The following RFC4 variants were observed in gnomAD, a reference collection of about 807,000 sequenced individuals.
RFC4 encodes the protein replication factor C subunit 4.
A neutral mutation model predicts 47.6 loss-of-function variants in RFC4; 38 were observed. The observed-to-expected ratio is 0.80, with a 90% CI of 0.62 to 1.05. The LOEUF (loss-of-function observed/expected upper bound fraction) is 1.05, where lower values mean the gene tolerates loss of function less well. Ranked by LOEUF, RFC4 falls within the 50% of genes least tolerant of loss-of-function variation. The probability of loss-of-function intolerance (pLI) is 0.00; values close to 1 mark genes in which losing one functional copy is unlikely to be tolerated. For synonymous variants in RFC4, 164 were observed against 150.0 expected (o/e 1.09, Z -0.68); for missense variants, 489 against 434.0 (o/e 1.13, Z -1.13).
chr3:186,789,931 T>TC lies in RFC4; in HGVS notation c.*37dup. 1 of 1,273,690 alleles carries TC rather than the reference T, an allele frequency of 7.9e-7. No homozygotes were observed. The highest frequency in any genetic ancestry group is 1.1e-6 in the Non-Finnish European group (1 of 884,948). 78.9% of individuals were successfully genotyped at this position (1,273,690 alleles called of 1,614,324 possible). A position where few individuals can be genotyped will look rare whatever the true frequency, so the allele number is the denominator to read the frequency against. ...TGGTCATTTTATTTTTATTACAACT[T>TC]CATTATTTACAAAACCCCCCATCCA... On this transcript the variant is annotated 3_prime_UTR_variant, in exon 11 of 11. Transcript: ENST00000296273.
In RFC4 at chr3:186,793,726, C is replaced by CTT. The variant is rs529901068; in HGVS notation, c.411-781_411-780dup. On this transcript the variant is annotated intron_variant, in intron 5 of 10. Transcript: ENST00000296273. This position sits in a 1 kb window ranked among gnomAD's most constrained non-coding sequence, Gnocchi z 4.2. ...CGAAATGTCTATGCAGATCCTTTGC[C>CTT]TTTTTTTTTTTTTTGAGATAGAGTC... is the stretch of plus-strand genomic sequence containing the variant. Among the ~76,000 whole-genome samples, 9 of 142,126 alleles carry CTT rather than the reference C, an allele frequency of 6.3e-5. No homozygotes were observed. Among genetic ancestry groups the CTT allele is most frequent in the Admixed American group, 1.4e-4 (2 of 14,184 alleles). 93.2% of individuals were successfully genotyped at this position (142,126 alleles called of 152,430 possible).
chr3:186,800,597 A>G (rs1380231771), intron 3 of RFC4, among the ~76,000 whole-genome samples: 1 of 152,214 alleles, frequency 6.6e-6, no homozygotes, highest in Non-Finnish European at 1.5e-5. Context: ...CAAGTTATCC[A>G]TGGATACTTT....
Position 186,796,368 on chromosome 3 carries a change from T to A in RFC4, c.290+1167A>T, listed in dbSNP as rs2108470289. Among the ~76,000 whole-genome samples the A allele has an allele frequency of 6.6e-6, 1 of 152,358 alleles. No homozygotes were observed. Among genetic ancestry groups the A allele is most frequent in the East Asian group, 1.9e-4 (1 of 5,190 alleles). On this transcript the variant is annotated intron_variant, in intron 4 of 10. Coordinates refer to ENST00000296273, the MANE Select transcript of RFC4 (RefSeq NM_002916.5). The surrounding 1 kb of genome is among the most constrained non-coding windows in gnomAD (Gnocchi z 4.2). Reference sequence around the variant, plus strand: ...AATCAAAAAAGTTCTTCTATAATTTTACTGAGAATAAAAAATTGCTGTCAA... The same window carrying A: ...AATCAAAAAAGTTCTTCTATAATTTAACTGAGAATAAAAAATTGCTGTCAA...
intron 3 of RFC4, among the ~76,000 whole-genome samples, chr3:186,799,308 TTGAA>T (rs1320443421): frequency 2.0e-5 from 3 of 152,202 alleles, no homozygotes; most frequent in African/African-American, 4.8e-5. Flanking sequence ...TCAAAATAAA[TTGAA>T]TGAATTGTTT....
At chr3:186,803,662 C>T (rs1043471419) in intron 2 of RFC4, among the ~76,000 whole-genome samples, 1 of 150,724 alleles carries the variant, frequency 6.6e-6, no homozygotes, top group Non-Finnish European at 1.5e-5. Context: ...CGCCAACATG[C>T]CTGGCTAATT....
chr3:186,804,910 T>A (rs1722444224), intron 1 of RFC4, 186 bp from the exon 2 acceptor site: 2 of 539,632 alleles, frequency 3.7e-6, no homozygotes, highest in South Asian at 2.9e-5. Flanking sequence ...ACACTCTGAA[T>A]GCACTGTACT....
chr3:186,794,030 T>A (rs1239158188), intron 5 of RFC4, among the ~76,000 whole-genome samples: 1 of 152,190 alleles, frequency 6.6e-6, no homozygotes, highest in Non-Finnish European at 1.5e-5. Flanking sequence ...CCTTTGCCCA[T>A]TTTTTAATTG....
At chr3:186,800,538 T>C (rs894386659) in intron 3 of RFC4, among the ~76,000 whole-genome samples, 1 of 152,190 alleles carries the variant, frequency 6.6e-6, no homozygotes, top group Non-Finnish European at 1.5e-5. Flanking sequence ...CAACTTTAAG[T>C]TGCTAATTTT....
intron 2 of RFC4, 35 bp from the exon 3 acceptor site, chr3:186,801,230 G>A: frequency 6.8e-7 from 1 of 1,466,452 alleles, no homozygotes; most frequent in South Asian, 1.1e-5. Context: ...AGGTTATTTA[G>A]TATATTATAG....
At chr3:186,805,954 C>G (rs931134411) in intron 1 of RFC4, among the ~76,000 whole-genome samples, 3 of 152,194 alleles carry the variant, frequency 2.0e-5, no homozygotes, top group Non-Finnish European at 4.4e-5. Context: ...CACAGGACAA[C>G]TGAGTTAAAT....
At chr3:186,799,544 C>G (rs1722308879) in intron 3 of RFC4, among the ~76,000 whole-genome samples, 1 of 152,082 alleles carries the variant, frequency 6.6e-6, no homozygotes, top group South Asian at 2.1e-4. Context: ...TAAACACCAT[C>G]TCTACTAAAA....
In RFC4 at chr3:186,794,673, GAC is replaced by G. The variant is rs1256535358; in HGVS notation, c.393_394del (p.Ser132ArgfsTer13). ...ATTTACTTACTCTGAGCGACTTCCT[GAC>G]ACAGTTAATTGAGCAAAATTTTTCA... On this transcript the variant is annotated frameshift_variant, in exon 5 of 11. Coordinates refer to ENST00000296273, the MANE Select transcript of RFC4 (RefSeq NM_002916.5). LOFTEE classifies it high-confidence loss of function. The G allele has an allele frequency of 2.5e-6, 4 of 1,613,802 alleles. No homozygotes were observed. The highest frequency in any genetic ancestry group is 1.3e-5 in the African/African-American group (1 of 74,922).
intron 7 of RFC4, 124 bp downstream of exon 7, chr3:186,792,366 T>C: frequency 1.3e-6 from 1 of 778,754 alleles, no homozygotes; most frequent in Non-Finnish European, 2.1e-6. Context: ...CCCCTTTAGC[T>C]TAAGTTTGTC....
rs1310769354 is a variant in RFC4, at chr3:186,789,901, G to A, written c.*68C>T. On this transcript the variant is annotated 3_prime_UTR_variant, in exon 11 of 11. Coordinates refer to ENST00000296273, the MANE Select transcript of RFC4 (RefSeq NM_002916.5). ...TAAATTGTATATTCACTTTAAAGGT[G>A]CTTTTGGTCATTTTATTTTTATTAC... The A allele has an allele frequency of 5.1e-6, 5 of 989,614 alleles. No homozygotes were observed. The South Asian group carries it at 5.7e-5, about 11-fold the overall frequency. 61.3% of individuals were successfully genotyped at this position (989,614 alleles called of 1,614,324 possible).
chr3:186,801,726 A>G lies in RFC4; in HGVS notation c.132-531T>C, dbSNP rs867628592. Reference sequence around the variant, plus strand: ...ACTCTGTCTCAAAAAAAAAAAAAAAAAAAAAGAAATTAAAGTGGGGCTGGG... The same window carrying G: ...ACTCTGTCTCAAAAAAAAAAAAAAAGAAAAAGAAATTAAAGTGGGGCTGGG... On this transcript the variant is annotated intron_variant, in intron 2 of 10. Coordinates refer to ENST00000296273, the MANE Select transcript of RFC4 (RefSeq NM_002916.5). Among the ~76,000 whole-genome samples the G allele has an allele frequency of 7.7e-4, 117 of 151,094 alleles. 1 individual carries two copies. Among genetic ancestry groups the G allele is most frequent in the African/African-American group, 2.7e-3 (113 of 41,210 alleles).
chr3:186,794,906 CTT>C, intron 4 of RFC4, 129 bp from the exon 5 acceptor site: 10 of 1,007,912 alleles, frequency 9.9e-6, no homozygotes, highest in South Asian at 3.3e-5. Context: ...CACACAATCA[CTT>C]TTGCATTCTC....
intron 2 of RFC4, among the ~76,000 whole-genome samples, chr3:186,801,727 A>G (rs903410638): frequency 6.6e-5 from 10 of 150,896 alleles, no homozygotes; most frequent in South Asian, 2.1e-4. Context: ...AAAAAAAAAA[A>G]AAAAGAAATT....
At chr3:186,804,190 G>GTAA (rs995525689) in intron 2 of RFC4, among the ~76,000 whole-genome samples, 1 of 151,936 alleles carries the variant, frequency 6.6e-6, no homozygotes, top group Middle Eastern at 3.4e-3. Context: ...CTCAAAAATA[G>GTAA]TAATAATAAT....
chr3:186,805,259 T>C (rs1297791772), intron 1 of RFC4, among the ~76,000 whole-genome samples: 1 of 152,188 alleles, frequency 6.6e-6, no homozygotes. Flanking sequence ...CTCACTCTTT[T>C]GCCTAGGATG....
Sources: allele counts gnomAD v4.1 joint callset (sites outside exome capture counted in the v4.1 genomes callset), GRCh38; gene constraint gnomAD v4.1.1; non-coding constraint Gnocchi (gnomAD v3.1); transcripts MANE v1.5; gene names NCBI Gene and HGNC (gene_info 2026-07-23, HGNC 2026-07-21).